The following CCBE1 variants were observed in gnomAD, a reference collection of about 807,000 sequenced individuals.
CCBE1 encodes collagen and calcium-binding EGF domain-containing protein 1.
A neutral mutation model predicts 50.0 loss-of-function variants in CCBE1; 37 were observed. That is an observed-to-expected ratio of 0.74 (90% CI 0.57 to 0.97). CCBE1 has a LOEUF of 0.97. CCBE1 is among the 50% of genes least tolerant of loss of function. The pLI, the probability that CCBE1 is intolerant of heterozygous loss-of-function variation, is 0.00. For synonymous variants in CCBE1, 234 were observed against 203.7 expected, an observed-to-expected ratio of 1.15 and a Z score of -1.27; for missense variants, 538 against 523.8, an observed-to-expected ratio of 1.03 and a Z score of -0.26.
intron 2 of CCBE1, among the ~76,000 whole-genome samples, chr18:59,528,603 C>A (rs1045258571): frequency 6.6e-6 from 1 of 152,110 alleles, no homozygotes; most frequent in Non-Finnish European, 1.5e-5. Context: ...TTCATGAGTT[C>A]ATCGAGCTTT....
chr18:59,535,268 T>G (rs965343835), intron 2 of CCBE1, among the ~76,000 whole-genome samples: 2 of 152,232 alleles, frequency 1.3e-5, no homozygotes, highest in South Asian at 4.1e-4. Context: ...TGGTATTCAG[T>G]AAGCATGGAC....
intron 2 of CCBE1, among the ~76,000 whole-genome samples, chr18:59,566,442 A>T (rs914969178): frequency 3.3e-5 from 5 of 151,848 alleles, no homozygotes; most frequent in African/African-American, 1.2e-4. Context: ...GGAAGCAAAA[A>T]TAAAAAAAAA....
intron 2 of CCBE1, among the ~76,000 whole-genome samples, chr18:59,633,464 C>T (rs1267097011): frequency 2.0e-5 from 3 of 152,234 alleles, no homozygotes; most frequent in African/African-American, 7.2e-5. Flanking sequence ...TTATTGCCAA[C>T]AGCATTAGTT....
At position 59,439,531 on chromosome 18, in the gene CCBE1, C is replaced by T. The variant is rs1910316559; in HGVS notation, c.951+12G>A. 6 of 1,614,062 alleles carry T rather than the reference C, an allele frequency of 3.7e-6. No individual in the cohort carries two copies. The highest frequency in any genetic ancestry group is 5.1e-6 in the Non-Finnish European group (6 of 1,180,020). ...AGACCTTTAGCTTGTGAGGACCACT[C>T]ATAAGGCTTACCTTAGAACCATCTC... On this transcript the variant is annotated intron_variant, in intron 9 of 10. Coordinates refer to ENST00000439986, the MANE Select transcript of CCBE1 (RefSeq NM_133459.4).
chr18:59,628,463 C>T (rs1222516638), intron 2 of CCBE1, among the ~76,000 whole-genome samples: 3 of 152,166 alleles, frequency 2.0e-5, no homozygotes, highest in Non-Finnish European at 4.4e-5. Context: ...TCTTAATGCT[C>T]TTCCAGCCTA....
At chr18:59,597,657 C>T (rs186937371) in intron 2 of CCBE1, among the ~76,000 whole-genome samples, 4 of 152,272 alleles carry the variant, frequency 2.6e-5, no homozygotes, top group South Asian at 2.1e-4. Context: ...GGTCTGGTAT[C>T]GGTCATGGCT....
intron 2 of CCBE1, among the ~76,000 whole-genome samples, chr18:59,485,744 G>A (rs1324615988): frequency 6.6e-6 from 1 of 151,926 alleles, no homozygotes; most frequent in Non-Finnish European, 1.5e-5. Context: ...CTGAGTAGCT[G>A]GGATTACAGG....
chr18:59,631,430 G>A (rs908177089), intron 2 of CCBE1, among the ~76,000 whole-genome samples: 2 of 152,046 alleles, frequency 1.3e-5, no homozygotes, highest in South Asian at 2.1e-4. Context: ...CGAGAGTGCC[G>A]ACTTGAATCC....
intron 2 of CCBE1, among the ~76,000 whole-genome samples, chr18:59,558,592 C>T (rs2052686363): frequency 6.6e-6 from 1 of 152,190 alleles, no homozygotes; most frequent in Non-Finnish European, 1.5e-5. Flanking sequence ...GTATAACTGC[C>T]CTGCTGATGC....
At chr18:59,645,844 A>T (rs1445738558) in intron 2 of CCBE1, among the ~76,000 whole-genome samples, 1 of 152,170 alleles carries the variant, frequency 6.6e-6, no homozygotes, top group Non-Finnish European at 1.5e-5. Context: ...ATCCTGGCTA[A>T]CACGGTGAAA....
At chr18:59,506,062 T>C (rs891397085) in intron 2 of CCBE1, among the ~76,000 whole-genome samples, 14 of 152,306 alleles carry the variant, frequency 9.2e-5, no homozygotes, top group Middle Eastern at 3.4e-3. Context: ...TGTGGTCTTA[T>C]TTGGGAATAG....
intron 2 of CCBE1, among the ~76,000 whole-genome samples, chr18:59,520,573 G>A (rs980924519): frequency 1.3e-5 from 2 of 152,246 alleles, no homozygotes; most frequent in African/African-American, 4.8e-5. Context: ...TATGCATACA[G>A]GAAAAGGAAA....
intron 2 of CCBE1, among the ~76,000 whole-genome samples, chr18:59,541,743 C>G (rs564424411): frequency 6.6e-6 from 1 of 152,180 alleles, no homozygotes; most frequent in East Asian, 1.9e-4. Context: ...AAGGAAGACA[C>G]AAGATAACAC....
intron 2 of CCBE1, among the ~76,000 whole-genome samples, chr18:59,688,017 GTTATA>G (rs1173732352): frequency 1.3e-5 from 2 of 152,136 alleles, no homozygotes; most frequent in African/African-American, 2.4e-5. Flanking sequence ...CCTGTATAGT[GTTATA>G]ATATATTTTT....
At chr18:59,527,269 CTTT>C (rs1269362353) in intron 2 of CCBE1, among the ~76,000 whole-genome samples, 1 of 151,834 alleles carries the variant, frequency 6.6e-6, no homozygotes, top group Non-Finnish European at 1.5e-5. Context: ...GTCTTTTTTT[CTTT>C]TTTTATCTCT....
intron 5 of CCBE1, among the ~76,000 whole-genome samples, chr18:59,461,356 G>A: frequency 6.7e-6 from 1 of 148,806 alleles, no homozygotes. Flanking sequence ...CTTCCCAGCA[G>A]TCCAATCTCT....
rs650033 is a variant in CCBE1, at chr18:59,469,711, G to A, written c.266-104C>T. 642,777 of 1,440,826 alleles carry A rather than the reference G, an allele frequency of 0.45. 144,416 individuals carry two copies. Among genetic ancestry groups the A allele is most frequent in the South Asian group, 0.51 (44,545 of 87,222 alleles). The allele number at this position is 1,440,826 out of a possible 1,614,324, so 89.3% of individuals were successfully genotyped here. A position where few individuals can be genotyped will look rare whatever the true frequency, so the allele number is the denominator to read the frequency against. On this transcript the variant is annotated intron_variant, in intron 3 of 10. Transcript: ENST00000439986. ...TGGGCTGGGCTCTGCTCAAGGGCAC[G>A]TGTGAAGTGTGGACAGATATACTTG...
chr18:59,655,128 C>T (rs76915382), intron 2 of CCBE1, among the ~76,000 whole-genome samples: 2,160 of 149,548 alleles, frequency 0.014, 59 homozygotes, highest in African/African-American at 0.051. Flanking sequence ...ACAGCCATGA[C>T]CCAGCCTTGT....
chr18:59,667,320 G>A (rs1038991101), intron 2 of CCBE1, among the ~76,000 whole-genome samples: 9 of 152,116 alleles, frequency 5.9e-5, no homozygotes, highest in Admixed American at 2.6e-4. Flanking sequence ...TTTCTATTTC[G>A]TAAGGATTGT....
Sources: gnomAD v4.1 joint callset for allele counts (sites outside exome capture counted in the v4.1 genomes callset) on GRCh38, gnomAD v4.1.1 for gene constraint, MANE v1.5 for transcripts, NCBI Gene and HGNC (gene_info 2026-07-23, HGNC 2026-07-21) for gene names.